FSHR: variants seen among roughly 807,000 people sequenced by gnomAD.
FSHR encodes follicle-stimulating hormone receptor.
A neutral mutation model predicts 52.1 loss-of-function variants in FSHR; 46 were observed. That is an observed-to-expected ratio of 0.88 (90% CI 0.70 to 1.13). The LOEUF (loss-of-function observed/expected upper bound fraction) is 1.13. Among genes scored for constraint, FSHR ranks in the 50% most tolerant of loss-of-function variants. FSHR has a pLI of 0.00. For synonymous variants in FSHR, 399 were observed against 309.6 expected (o/e 1.29, Z -3.03); for missense variants, 964 against 834.6 (o/e 1.16, Z -1.91).
Position 48,963,491 on chromosome 2 carries a change from C to A in FSHR, c.1330G>T (p.Ala444Ser). ...GCAAAGACAGTGAAAAAGCCAGCAG[C>A]ATCACAGCCTGCCCCAGTTTGCCAG... ...IDWQTGAGCD[A>S]AGFFTVFASE... Residue 444 changes from alanine (A) to serine (S), a missense_variant, in exon 10 of 10, where the codon GCT (alanine) becomes TCT (serine). Ala to Ser is a moderately conservative substitution (Grantham distance 99, BLOSUM62 1). Transcript: ENST00000406846. The A allele has an allele frequency of 6.2e-7, 1 of 1,614,158 alleles. No individual in the cohort carries two copies. Among genetic ancestry groups the A allele is most frequent in the South Asian group, 1.1e-5 (1 of 91,080 alleles).
intron 3 of FSHR, among the ~76,000 whole-genome samples, chr2:49,019,381 C>G (rs1012265815): frequency 1.3e-5 from 2 of 152,080 alleles, no homozygotes; most frequent in African/African-American, 4.8e-5. Context: ...TCTCTTCTGG[C>G]TTTGACATTC....
At chr2:49,126,588 G>T (rs1055834475) in intron 1 of FSHR, among the ~76,000 whole-genome samples, 3 of 152,140 alleles carry the variant, frequency 2.0e-5, no homozygotes, top group African/African-American at 7.2e-5. Context: ...ATATCAAATG[G>T]TTGAATGACC....
rs1419785979 is a variant in FSHR at position 49,127,892 on chromosome 2, C to T, written c.152+26374G>A. Among the ~76,000 whole-genome samples, 52 of 24,088 alleles carry T rather than the reference C, an allele frequency of 2.2e-3. 1 individual carries two copies. The highest frequency in any genetic ancestry group is 9.2e-3 in the East Asian group (4 of 434). 15.8% of individuals were successfully genotyped at this position (24,088 alleles called of 152,430 possible). ...TCTTCTTCTTCTTCTTCTTCTTCTT[C>T]TTCTTCTTTTTTTTTTTTGAGACGG... On this transcript the variant is annotated intron_variant, in intron 1 of 9. Coordinates refer to ENST00000406846, the MANE Select transcript of FSHR (RefSeq NM_000145.4).
At chr2:49,055,255 G>A (rs2104311087) in intron 2 of FSHR, among the ~76,000 whole-genome samples, 1 of 151,382 alleles carries the variant, frequency 6.6e-6, no homozygotes, top group African/African-American at 2.4e-5. Flanking sequence ...GGAACCAGCT[G>A]AGAGCTTCAA....
intron 6 of FSHR, among the ~76,000 whole-genome samples, chr2:48,988,680 G>A (rs1430317374): frequency 4.6e-5 from 7 of 152,180 alleles, no homozygotes; most frequent in Non-Finnish European, 1.0e-4. Flanking sequence ...GCAATAACTA[G>A]CTTTATTGAT....
chr2:49,043,476 G>A (rs1447528183), intron 2 of FSHR, among the ~76,000 whole-genome samples: 1 of 152,170 alleles, frequency 6.6e-6, no homozygotes, highest in East Asian at 1.9e-4. Flanking sequence ...GTTCCCATGA[G>A]CCAAACCTAA....
At chr2:49,065,200 G>A (rs1004987391) in intron 2 of FSHR, among the ~76,000 whole-genome samples, 3 of 152,090 alleles carry the variant, frequency 2.0e-5, no homozygotes, top group Non-Finnish European at 4.4e-5. Context: ...TCTGTGCCAG[G>A]AGCTTATGAC....
chr2:49,040,172 C>G (rs1248321251), intron 2 of FSHR, among the ~76,000 whole-genome samples: 2 of 152,234 alleles, frequency 1.3e-5, no homozygotes, highest in East Asian at 3.9e-4. Context: ...TTGATGTCTA[C>G]TTTGTTTTTC....
intron 1 of FSHR, among the ~76,000 whole-genome samples, chr2:49,124,140 C>T (rs895871809): frequency 7.4e-5 from 11 of 149,032 alleles, no homozygotes; most frequent in Admixed American, 6.8e-4. Context: ...TTACAGGCAC[C>T]CACCACCACG....
chr2:49,100,818 G>C (rs1311759785), intron 1 of FSHR, among the ~76,000 whole-genome samples: 1 of 152,152 alleles, frequency 6.6e-6, no homozygotes, highest in Non-Finnish European at 1.5e-5. Context: ...TACATTGAGA[G>C]AGTATTTATA....
chr2:49,021,831 T>TTTTCTCTCTTTCTCTCTC (rs760578631), intron 2 of FSHR, among the ~76,000 whole-genome samples: 1 of 46,540 alleles, frequency 2.1e-5, no homozygotes, highest in Non-Finnish European at 3.9e-5. Flanking sequence ...GGGTATGTGT[T>TTTTCTCTCTTTCTCTCTC]TCTCTCTCTC....
intron 1 of FSHR, among the ~76,000 whole-genome samples, chr2:49,122,763 G>A (rs1237804458): frequency 1.3e-5 from 2 of 152,306 alleles, no homozygotes; most frequent in South Asian, 2.1e-4. Context: ...CCCTCCTGGT[G>A]AAGAGGGCTG....
At chr2:49,008,986 C>T (rs1043310083) in intron 4 of FSHR, among the ~76,000 whole-genome samples, 1 of 151,504 alleles carries the variant, frequency 6.6e-6, no homozygotes, top group Non-Finnish European at 1.5e-5. Context: ...TTGCCTGTTC[C>T]CTCTGATGGT....
At chr2:49,085,898 G>A (rs1414433263) in intron 1 of FSHR, among the ~76,000 whole-genome samples, 1 of 151,624 alleles carries the variant, frequency 6.6e-6, no homozygotes, top group Non-Finnish European at 1.5e-5. Context: ...CTCGCTCATA[G>A]GTGGGAATTG....
intron 1 of FSHR, among the ~76,000 whole-genome samples, chr2:49,082,897 T>C (rs573463040): frequency 3.3e-5 from 5 of 151,852 alleles, no homozygotes; most frequent in African/African-American, 1.2e-4. Context: ...ACGGGGAGAA[T>C]GGAACCAAGT....
chr2:49,110,118 A>T (rs1671371593), intron 1 of FSHR, among the ~76,000 whole-genome samples: 2 of 152,194 alleles, frequency 1.3e-5, no homozygotes, highest in Admixed American at 1.3e-4. Flanking sequence ...TATGCCCTTC[A>T]TATTTAATAT....
chr2:49,028,509 TTTTTGTGAGAATATTGGAGATAAATA>T (rs1434893656), intron 2 of FSHR, among the ~76,000 whole-genome samples: 1 of 152,146 alleles, frequency 6.6e-6, no homozygotes, highest in African/African-American at 2.4e-5. Context: ...CCTGTTAGGG[TTTTTGTGAGAATATTGGAGATAAATA>T]TGTGGCATGG....
At chr2:49,074,376 A>G (rs1267991902) in intron 1 of FSHR, among the ~76,000 whole-genome samples, 3 of 152,294 alleles carry the variant, frequency 2.0e-5, no homozygotes, top group Non-Finnish European at 4.4e-5. Context: ...TAAGCAAATG[A>G]TCTGAACAGA....
At chr2:49,016,487 C>A (rs1273122795) in intron 4 of FSHR, among the ~76,000 whole-genome samples, 1 of 152,144 alleles carries the variant, frequency 6.6e-6, no homozygotes, top group Non-Finnish European at 1.5e-5. Flanking sequence ...TGAAAACAAG[C>A]CTACTATGCT....
Sources: gnomAD v4.1 joint callset for allele counts (sites outside exome capture counted in the v4.1 genomes callset) on GRCh38, gnomAD v4.1.1 for gene constraint, MANE v1.5 for transcripts, NCBI Gene and HGNC (gene_info 2026-07-23, HGNC 2026-07-21) for gene names.